Variants in RPN1 observed in about 807,000 individuals in gnomAD.
RPN1 encodes ribophorin I.
A neutral mutation model predicts 55.5 loss-of-function variants in RPN1; 12 were observed. That is an observed-to-expected ratio of 0.22 (90% CI 0.14 to 0.35). RPN1 has a LOEUF of 0.35. RPN1 is among the 10% of genes least tolerant of loss of function. The pLI is 1.00. For synonymous variants in RPN1, 317 were observed against 305.9 expected, an observed-to-expected ratio of 1.04 and a Z score of -0.38; for missense variants, 679 against 761.3, an observed-to-expected ratio of 0.89 and a Z score of 1.27.
intron 5 of RPN1, among the ~76,000 whole-genome samples, chr3:128,628,674 C>T (rs969834312): frequency 4.6e-5 from 7 of 152,062 alleles, no homozygotes; most frequent in Admixed American, 2.0e-4. Flanking sequence ...CCTCAGCCTC[C>T]CAGAAAAGTT....
intron 3 of RPN1, among the ~76,000 whole-genome samples, chr3:128,635,960 T>C (rs1446436184): frequency 6.6e-6 from 1 of 152,128 alleles, no homozygotes; most frequent in South Asian, 2.1e-4. Context: ...TTGTTATATA[T>C]GATTTTGTTA....
rs758495027 is a variant in RPN1 at position 128,620,554 on chromosome 3, G to A, written c.1681C>T (p.Leu561=). Residue 561 remains leucine (L), a synonymous_variant, in exon 10 of 10, where the codon CTG becomes TTG. Transcript: ENST00000296255. ...MQKLDAQVKE[L]VLKSAVEAER... Reference sequence around the variant, plus strand: ...GCCTCCACCGCCGACTTCAGCACCAGCTCCTTGACCTGTGCATCCAGCTTC... The same window carrying A: ...GCCTCCACCGCCGACTTCAGCACCAACTCCTTGACCTGTGCATCCAGCTTC... The A allele has an allele frequency of 1.1e-5, 18 of 1,614,066 alleles. No individual in the cohort carries two copies. In the South Asian group the frequency reaches 2.0e-4, roughly 18 times the overall value.
At chr3:128,629,807 C>T in intron 5 of RPN1, 144 bp downstream of exon 5, 1 of 567,400 alleles carries the variant, frequency 1.8e-6, no homozygotes, top group Admixed American at 3.3e-5. Context: ...CTCGTACCCA[C>T]TTATAAAAAG....
chr3:128,636,577 A>C (rs1245645796), intron 3 of RPN1, among the ~76,000 whole-genome samples: 1 of 152,136 alleles, frequency 6.6e-6, no homozygotes, highest in Non-Finnish European at 1.5e-5. Flanking sequence ...AAACACACAG[A>C]GAGATGCAAA....
chr3:128,621,328 T>C (rs1357470956), intron 9 of RPN1, among the ~76,000 whole-genome samples: 1 of 152,136 alleles, frequency 6.6e-6, no homozygotes, highest in African/African-American at 2.4e-5. Context: ...CTGGGCAACA[T>C]GGCGAAACCC....
Position 128,648,606 on chromosome 3 carries a change from C to CA in RPN1, c.261+1933dup, listed in dbSNP as rs1487670838. On this transcript the variant is annotated intron_variant, in intron 1 of 9. Transcript: ENST00000296255. ...AAGAACCCACTGAAAAACATTTCAG[C>CA]AACCTCATCAGTTTCCAACACAACT... Among the ~76,000 whole-genome samples, 3 of 152,158 alleles carry CA rather than the reference C, an allele frequency of 2.0e-5. No homozygotes were observed. In the East Asian group the frequency reaches 5.8e-4, roughly 29 times the overall value.
chr3:128,626,750 G>A lies in RPN1; in HGVS notation c.1119C>T (p.Ile373=). ...QVIDSLTVKI[I]LPEGAKNIEI... ...ACACTCACTTGGCTCCTTCAGGCAGGATGATCTTCACAGTCAGAGAATCTA... is the reference window on the plus strand; with the variant it reads ...ACACTCACTTGGCTCCTTCAGGCAGAATGATCTTCACAGTCAGAGAATCTA... Residue 373 remains isoleucine, a synonymous_variant, in exon 6 of 10, where the codon ATC becomes ATT. Coordinates refer to ENST00000296255, the MANE Select transcript of RPN1 (RefSeq NM_002950.4). 6.2e-7 allele frequency: 1 copy of A among 1,614,150 alleles called. No homozygotes were observed. The highest frequency in any genetic ancestry group is 2.2e-5 in the East Asian group (1 of 44,878).
At chr3:128,642,116 G>C (rs968228228) in intron 2 of RPN1, among the ~76,000 whole-genome samples, 29 of 152,216 alleles carry the variant, frequency 1.9e-4, no homozygotes, top group African/African-American at 6.7e-4. Context: ...ACACAGACAG[G>C]GTACTCAGAC....
chr3:128,635,690 T>TATACACACACACACACACAC (rs376139334), intron 3 of RPN1, among the ~76,000 whole-genome samples: 3 of 138,274 alleles, frequency 2.2e-5, no homozygotes, highest in African/African-American at 5.4e-5. Flanking sequence ...TCTATAGATA[T>TATACACACACACACACACAC]ACACACACAC....
At chr3:128,642,907 C>T (rs1418314881) in intron 2 of RPN1, among the ~76,000 whole-genome samples, 2 of 151,982 alleles carry the variant, frequency 1.3e-5, no homozygotes, top group African/African-American at 2.4e-5. Context: ...ATCCCAACTA[C>T]TTGGGAGGCT....
At position 128,622,181 on chromosome 3, in the gene RPN1, A is replaced by T. The variant is rs774054649; in HGVS notation, c.1624T>A (p.Ser542Thr). The T allele has an allele frequency of 6.2e-6, 10 of 1,614,186 alleles. No individual in the cohort carries two copies. The highest frequency in any genetic ancestry group is 4.2e-6 in the Non-Finnish European group (5 of 1,180,022). The change falls in exon 9 of 10, where the codon TCT (serine) becomes ACT (threonine). Residue 542 changes from serine (S) to threonine (T), a missense_variant. Physicochemically the swap from Ser to Thr is moderately conservative, Grantham distance 58. Coordinates refer to ENST00000296255, the MANE Select transcript of RPN1 (RefSeq NM_002950.4). ...LLQSRLKTEGSDLCDRVSEMQ... is the reference protein window; with the variant it reads ...LLQSRLKTEGTDLCDRVSEMQ... ...ACACTTACTCTGTCGCACAGATCAG[A>T]GCCCTCTGTCTTCAGCCTGGACTGC...
In RPN1 at chr3:128,630,555, C is replaced by T. The variant is rs553395190; in HGVS notation, c.844-412G>A. On this transcript the variant is annotated intron_variant, in intron 4 of 9. Transcript: ENST00000296255. ...ATATACTTTATTGTATCTTCCAAAT[C>T]TGTCAGTGTATTTTGATCATGGGAG... is the stretch of plus-strand genomic sequence containing the variant. Among the ~76,000 whole-genome samples, 11 of 152,246 alleles carry T rather than the reference C, an allele frequency of 7.2e-5. 1 individual carries two copies. In the South Asian group the frequency reaches 2.3e-3, roughly 32 times the overall value.
chr3:128,642,604 T>C (rs1043437389), intron 2 of RPN1: 2 of 151,692 alleles, frequency 1.3e-5, no homozygotes, highest in Non-Finnish European at 2.9e-5. Flanking sequence ...GCTGAGACAG[T>C]AGAATCACTT....
intron 2 of RPN1, 91 bp from the exon 3 acceptor site, chr3:128,638,196 A>C: frequency 1.1e-6 from 1 of 887,624 alleles, no homozygotes; most frequent in Admixed American, 2.5e-5. Context: ...ATTTTGAACC[A>C]AAGACAAAAG....
chr3:128,637,327 C>A (rs1396659737), intron 3 of RPN1, among the ~76,000 whole-genome samples: 1 of 152,076 alleles, frequency 6.6e-6, no homozygotes. Context: ...ATCTAAGTGA[C>A]GTGTGTGGGA....
At chr3:128,647,587 G>A (rs1027976727) in intron 1 of RPN1, among the ~76,000 whole-genome samples, 1 of 151,854 alleles carries the variant, frequency 6.6e-6, no homozygotes, top group Non-Finnish European at 1.5e-5. Context: ...AGCTACTCAG[G>A]GGGCTAGGTG....
At chr3:128,637,067 T>C (rs997806109) in intron 3 of RPN1, among the ~76,000 whole-genome samples, 31 of 151,830 alleles carry the variant, frequency 2.0e-4, no homozygotes, top group Admixed American at 1.9e-3. Context: ...CAAGATCCCG[T>C]CTCTACAACA....
rs920705050 is a variant in RPN1, at chr3:128,622,278, G to A, written c.1527C>T (p.Ile509=). 1 of 1,614,246 alleles carries A rather than the reference G, an allele frequency of 6.2e-7. No homozygotes were observed. ...TVNRYKQSRD[I]STLNSGKKSL... ...TCTTCTTGCCACTGTTGAGGGTGGAGATGTCCCGGGATTGCTTGTACCTAT... is the reference window on the plus strand; with the variant it reads ...TCTTCTTGCCACTGTTGAGGGTGGAAATGTCCCGGGATTGCTTGTACCTAT... Residue 509 remains isoleucine, a synonymous_variant, in exon 9 of 10, where the codon ATC becomes ATT. Coordinates refer to ENST00000296255, the MANE Select transcript of RPN1 (RefSeq NM_002950.4).
rs1357967532 is a variant in RPN1 at position 128,631,983 on chromosome 3, G to C, written c.808C>G (p.Pro270Ala). The C allele has an allele frequency of 4.3e-6, 7 of 1,614,146 alleles. No individual in the cohort carries two copies. In the South Asian group the frequency reaches 7.7e-5, roughly 18 times the overall value. Reference protein sequence around the residue: ...PFSRYDYQRQPDSGISSIRSF... With the variant: ...PFSRYDYQRQADSGISSIRSF... ...CGGATGGAGGATATTCCACTATCTG[G>C]CTGTCTCTGGTAATCATAGCGTGAG... Residue 270 changes from proline to alanine, a missense_variant, in exon 4 of 10, where the codon CCA becomes GCA. Coordinates refer to ENST00000296255, the MANE Select transcript of RPN1 (RefSeq NM_002950.4).
Sources: allele counts gnomAD v4.1 joint callset (sites outside exome capture counted in the v4.1 genomes callset), GRCh38; gene constraint gnomAD v4.1.1; transcripts MANE v1.5; gene names NCBI Gene and HGNC (gene_info 2026-07-23, HGNC 2026-07-21).